Variants in MYCBP2 observed in about 807,000 individuals in gnomAD.
MYCBP2 encodes E3 ubiquitin-protein ligase MYCBP2.
MYCBP2 carries 120 observed loss-of-function variants against 525.3 expected under a neutral mutation model. That is an observed-to-expected ratio of 0.23 (90% CI 0.20 to 0.27). The LOEUF (loss-of-function observed/expected upper bound fraction) is 0.27. Among genes scored for constraint, MYCBP2 ranks in the 10% least tolerant of loss-of-function variants. The pLI is 1.00. For synonymous variants in MYCBP2, 1,894 were observed against 1,955.8 expected, an observed-to-expected ratio of 0.97 and a Z score of 0.83; for missense variants, 4,149 against 5,657.1, an observed-to-expected ratio of 0.73 and a Z score of 8.55.
Position 77,125,243 on chromosome 13 carries a change from A to G in MYCBP2, c.8017+93T>C, listed in dbSNP as rs2051443909. 4 of 1,475,390 alleles carry G rather than the reference A, an allele frequency of 2.7e-6. No individual in the cohort carries two copies. In the African/African-American group the frequency reaches 4.3e-5, roughly 16 times the overall value. The allele number at this position is 1,475,390 out of a possible 1,614,324, so 91.4% of individuals were successfully genotyped here. On this transcript the variant is annotated intron_variant, in intron 54 of 82. Transcript: ENST00000544440. Reference sequence around the variant, plus strand: ...TTGCTTGTTAAAAAGCAAACACACAAAAAACTCTTTAAAACAAAAGCAATA... The same window carrying G: ...TTGCTTGTTAAAAAGCAAACACACAGAAAACTCTTTAAAACAAAAGCAATA...
chr13:77,217,814 T>C (rs1393370278), intron 21 of MYCBP2, 26 bp downstream of exon 21: 1 of 1,439,888 alleles, frequency 6.9e-7, no homozygotes, highest in Non-Finnish European at 9.7e-7. Flanking sequence ...TAATGCAATA[T>C]TATTAATGTT....
chr13:77,202,627 T>C (rs1280582510), intron 26 of MYCBP2, among the ~76,000 whole-genome samples: 2 of 151,786 alleles, frequency 1.3e-5, no homozygotes, highest in Non-Finnish European at 2.9e-5. Context: ...TTGATGAACA[T>C]TGATGCAAAA....
In MYCBP2 at chr13:77,088,010, T is replaced by G. The variant is rs527756518; in HGVS notation, c.10726-377A>C. Among the ~76,000 whole-genome samples the G allele has an allele frequency of 3.2e-4, 49 of 152,110 alleles. 1 individual carries two copies. Among genetic ancestry groups the G allele is most frequent in the African/African-American group, 1.0e-3 (42 of 41,510 alleles). Reference sequence around the variant, plus strand: ...TGTTGCCCACGCTGGTCTCAAACTCTTGCGCTCAAGTGATCCTCCCTCCTC... The same window carrying G: ...TGTTGCCCACGCTGGTCTCAAACTCGTGCGCTCAAGTGATCCTCCCTCCTC... On this transcript the variant is annotated intron_variant, in intron 61 of 82. Transcript: ENST00000544440.
At chr13:77,169,874 T>C (rs2058971717) in intron 38 of MYCBP2, among the ~76,000 whole-genome samples, 160 bp from the exon 39 acceptor site, 1 of 152,228 alleles carries the variant, frequency 6.6e-6, no homozygotes, top group Non-Finnish European at 1.5e-5. Flanking sequence ...TAAAGGCTTT[T>C]GAGAATACAT....
intron 62 of MYCBP2, among the ~76,000 whole-genome samples, chr13:77,084,664 C>A (rs552612589): frequency 6.6e-6 from 1 of 152,040 alleles, no homozygotes; most frequent in Non-Finnish European, 1.5e-5. Flanking sequence ...GTATTCATCA[C>A]GCTCACCCCA....
At chr13:77,184,051 G>A (rs1252817674) in intron 32 of MYCBP2, among the ~76,000 whole-genome samples, 1 of 151,776 alleles carries the variant, frequency 6.6e-6, no homozygotes, top group South Asian at 2.1e-4. Context: ...GGTTAGATTT[G>A]CTTTTCCTTC....
At chr13:77,183,537 A>C (rs375243739) in intron 32 of MYCBP2, among the ~76,000 whole-genome samples, 7 of 22,874 alleles carry the variant, frequency 3.1e-4, no homozygotes, top group African/African-American at 5.9e-4. Context: ...GATAGTCCCT[A>C]TTTCTTTTTT....
rs377559701 is a variant in MYCBP2 at position 77,211,177 on chromosome 13, C to T, written c.3406G>A (p.Val1136Ile). Reference protein sequence around the residue: ...FGVCLDPVYDVIWRFRPNTRE... With the variant: ...FGVCLDPVYDIIWRFRPNTRE... ...AACTGAGATGCTTACCTCCAAATTA[C>T]ATCATATACAGGATCAAGACACACA... The change falls in exon 23 of 83, where the codon GTA becomes ATA. Residue 1136 changes from valine to isoleucine, a missense_variant. This residue lies in a region of MYCBP2 where 620 missense variants were observed against 795.5 expected (regional missense o/e 0.78). Transcript: ENST00000544440. The T allele has an allele frequency of 6.4e-5, 94 of 1,474,124 alleles. No individual in the cohort carries two copies. The highest frequency in any genetic ancestry group is 8.1e-5 in the Non-Finnish European group (90 of 1,110,074). 91.3% of individuals were successfully genotyped at this position (1,474,124 alleles called of 1,614,324 possible). A position where few individuals can be genotyped will look rare whatever the true frequency, so the allele number is the denominator to read the frequency against.
At chr13:77,252,090 G>A (rs1347518965) in intron 14 of MYCBP2, among the ~76,000 whole-genome samples, 1 of 152,116 alleles carries the variant, frequency 6.6e-6, no homozygotes, top group Non-Finnish European at 1.5e-5. Flanking sequence ...CTCAGTGCCT[G>A]TTTATACCTC....
At chr13:77,266,809 T>C (rs1230442078) in intron 8 of MYCBP2, among the ~76,000 whole-genome samples, 1 of 146,088 alleles carries the variant, frequency 6.8e-6, no homozygotes, top group Non-Finnish European at 1.5e-5. Context: ...ATTTTCAAAA[T>C]GATTTTATTA....
chr13:77,169,734 G>C lies in MYCBP2; in HGVS notation c.5795-20C>G. Reference sequence around the variant, plus strand: ...CATCAGCTAAAAAAAGGCATAAAAGGCATTAAAACTATAGTCAGAAGGTAA... The same window carrying C: ...CATCAGCTAAAAAAAGGCATAAAAGCCATTAAAACTATAGTCAGAAGGTAA... On this transcript the variant is annotated intron_variant, in intron 38 of 82. Coordinates refer to ENST00000544440, the MANE Select transcript of MYCBP2 (RefSeq NM_015057.5). 6.4e-7 allele frequency: 1 copy of C among 1,573,974 alleles called. No homozygotes were observed. Among genetic ancestry groups the C allele is most frequent in the Non-Finnish European group, 8.7e-7 (1 of 1,144,148 alleles).
chr13:77,068,924 A>C (rs2040639373), intron 69 of MYCBP2, 93 bp from the exon 70 acceptor site: 1 of 1,205,554 alleles, frequency 8.3e-7, no homozygotes, highest in Middle Eastern at 2.8e-4. Context: ...TAAGACAAGA[A>C]TGTAAATTGA....
chr13:77,260,995 A>G (rs2073173356), intron 12 of MYCBP2, among the ~76,000 whole-genome samples, 176 bp downstream of exon 12: 1 of 152,194 alleles, frequency 6.6e-6, no homozygotes, highest in South Asian at 2.1e-4. Flanking sequence ...GGAAAGTAAA[A>G]TAAGTTCCTC....
intron 4 of MYCBP2, among the ~76,000 whole-genome samples, chr13:77,278,289 T>C (rs2075837637): frequency 6.6e-6 from 1 of 152,230 alleles, no homozygotes; most frequent in Non-Finnish European, 1.5e-5. Context: ...CAGTTAATAG[T>C]GACCTTAAGG....
At position 77,089,009 on chromosome 13, in the gene MYCBP2, T is replaced by C; in HGVS notation, c.10548A>G (p.Arg3516=). 1 of 1,612,092 alleles carries C rather than the reference T, an allele frequency of 6.2e-7. No individual in the cohort carries two copies. ...GCCGAGAAAGCTCAGGAGACGGATGTCTCAAAAGGGAAGAACCAACTTCTA... is the reference window on the plus strand; with the variant it reads ...GCCGAGAAAGCTCAGGAGACGGATGCCTCAAAAGGGAAGAACCAACTTCTA... ...GDTEVGSSLL[R]HPSPELSRLI... The change falls in exon 61 of 83, where the codon AGA becomes AGG. Residue 3516 remains arginine, a synonymous_variant. Coordinates refer to ENST00000544440, the MANE Select transcript of MYCBP2 (RefSeq NM_015057.5).
chr13:77,051,320 A>G (rs1376137096), intron 81 of MYCBP2, among the ~76,000 whole-genome samples, 158 bp from the exon 82 acceptor site: 1 of 152,262 alleles, frequency 6.6e-6, no homozygotes. Context: ...ATGTTTGAAA[A>G]CTAACAAATA....
intron 34 of MYCBP2, among the ~76,000 whole-genome samples, chr13:77,178,201 T>C (rs2059894204): frequency 6.6e-6 from 1 of 152,242 alleles, no homozygotes; most frequent in Non-Finnish European, 1.5e-5. Flanking sequence ...CCACTTAATT[T>C]ATAATGTCAG....
chr13:77,081,380 A>G lies in MYCBP2; in HGVS notation c.11418+47T>C. ...CAGAAATGAAAGTGCATGAATACTAAGATCTGAAAAGAGCTAAAGAGCCGT... is the reference window on the plus strand; with the variant it reads ...CAGAAATGAAAGTGCATGAATACTAGGATCTGAAAAGAGCTAAAGAGCCGT... On this transcript the variant is annotated intron_variant, in intron 65 of 82. Coordinates refer to ENST00000544440, the MANE Select transcript of MYCBP2 (RefSeq NM_015057.5). This position sits in a 1 kb window ranked among gnomAD's most constrained non-coding sequence, Gnocchi z 4.6. 1 of 1,504,032 alleles carries G rather than the reference A, an allele frequency of 6.6e-7. No homozygotes were observed. The highest frequency in any genetic ancestry group is 9.1e-7 in the Non-Finnish European group (1 of 1,093,490). 93.2% of individuals were successfully genotyped at this position (1,504,032 alleles called of 1,614,324 possible).
intron 46 of MYCBP2, among the ~76,000 whole-genome samples, chr13:77,151,466 C>T (rs949363512): frequency 6.6e-6 from 1 of 152,108 alleles, no homozygotes; most frequent in African/African-American, 2.4e-5. Context: ...TTTCTTTACT[C>T]GGGTGAAGAA....
Sources: gnomAD v4.1 joint callset for allele counts (sites outside exome capture counted in the v4.1 genomes callset) on GRCh38, gnomAD v4.1.1 for gene constraint, gnomAD v4.1.1 regional missense constraint, Gnocchi (gnomAD v3.1) non-coding constraint, MANE v1.5 for transcripts, NCBI Gene and HGNC (gene_info 2026-07-23, HGNC 2026-07-21) for gene names.